Variants in DDX6 observed in about 807,000 individuals in gnomAD.
The protein encoded by DDX6 is probable ATP-dependent RNA helicase DDX6.
A neutral mutation model predicts 60.6 loss-of-function variants in DDX6; 7 were observed. That is an observed-to-expected ratio of 0.12 (90% CI 0.07 to 0.22). The LOEUF (loss-of-function observed/expected upper bound fraction) is 0.22, where lower values mean the gene tolerates loss of function less well. Among genes scored for constraint, DDX6 ranks in the 10% least tolerant of loss-of-function variants. The pLI, the probability that DDX6 is intolerant of heterozygous loss-of-function variation, is 1.00. For synonymous variants in DDX6, 207 were observed against 201.0 expected (o/e 1.03, Z -0.25); for missense variants, 270 against 589.9 (o/e 0.46, Z 5.62).
intron 6 of DDX6, among the ~76,000 whole-genome samples, chr11:118,764,789 G>A (rs1555160963): frequency 1.5e-5 from 2 of 136,236 alleles, no homozygotes; most frequent in African/African-American, 5.5e-5. Flanking sequence ...GGGCAACAGA[G>A]CAAGACTCCA....
intron 4 of DDX6, among the ~76,000 whole-genome samples, chr11:118,773,726 C>G (rs1555163052): frequency 1.3e-5 from 2 of 151,702 alleles, no homozygotes; most frequent in African/African-American, 4.8e-5. Context: ...TGGTGGCTCA[C>G]ACCTGTAATC....
intron 13 of DDX6, among the ~76,000 whole-genome samples, chr11:118,754,212 TGGAGTTCA>T (rs1432503787): frequency 2.0e-5 from 3 of 152,236 alleles, no homozygotes; most frequent in African/African-American, 7.2e-5. Flanking sequence ...GGAGGACTGC[TGGAGTTCA>T]GGAGTTCTGG....
Position 118,755,517 on chromosome 11 carries a change from A to T in DDX6, c.1175-14T>A. 2 of 1,414,774 alleles carry T rather than the reference A, an allele frequency of 1.4e-6. No homozygotes were observed. The highest frequency in any genetic ancestry group is 1.4e-5 in the African/African-American group (1 of 70,726). The allele number at this position is 1,414,774 out of a possible 1,614,324, so 87.6% of individuals were successfully genotyped here. ...GGGTAAACAGATCTTAAAAAAAAAA[A>T]GATAATTTTCATTTTTTCAATTTAG... is the stretch of plus-strand genomic sequence containing the variant. On this transcript the variant is annotated splice_polypyrimidine_tract_variant and intron_variant, in intron 11 of 13. Transcript: ENST00000534980.
At chr11:118,780,996 T>C in intron 3 of DDX6, 125 bp downstream of exon 3, 3 of 617,602 alleles carry the variant, frequency 4.9e-6, no homozygotes, top group Non-Finnish European at 8.9e-6. Flanking sequence ...TCTTACTGGG[T>C]TGGAGGAGGA....
chr11:118,758,187 A>C (rs1861042838), intron 9 of DDX6, among the ~76,000 whole-genome samples: 1 of 152,168 alleles, frequency 6.6e-6, no homozygotes, highest in Non-Finnish European at 1.5e-5. Flanking sequence ...GTTACAAATA[A>C]ATTCTAGTGA....
intron 3 of DDX6, among the ~76,000 whole-genome samples, 171 bp downstream of exon 3, chr11:118,780,950 C>T (rs1210486876): frequency 6.6e-6 from 1 of 152,202 alleles, no homozygotes; most frequent in Non-Finnish European, 1.5e-5. Context: ...TTTGTTTTCT[C>T]ATCCACAAAA....
rs2137422853 is a variant in DDX6, at chr11:118,756,903, T to C, written c.1110+268A>G. Among the ~76,000 whole-genome samples, 3 of 152,324 alleles carry C rather than the reference T, an allele frequency of 2.0e-5. No individual in the cohort carries two copies. In the South Asian group the frequency reaches 6.2e-4, roughly 32 times the overall value. ...CATGGAAAGGAAGGGAAGAATAAAATTTTACATTTGTATCATGCCTGACAG... is the reference window on the plus strand; with the variant it reads ...CATGGAAAGGAAGGGAAGAATAAAACTTTACATTTGTATCATGCCTGACAG... On this transcript the variant is annotated intron_variant, in intron 10 of 13. Coordinates refer to ENST00000534980, the MANE Select transcript of DDX6 (RefSeq NM_004397.6).
chr11:118,777,588 A>G (rs117422168), intron 4 of DDX6, among the ~76,000 whole-genome samples: 4,462 of 152,176 alleles, frequency 0.029, 82 homozygotes, highest in Non-Finnish European at 0.043. Context: ...GCATCATGAT[A>G]TGTCAAAAAG....
At chr11:118,768,897 A>C (rs1555161816) in intron 4 of DDX6, among the ~76,000 whole-genome samples, 1 of 144,612 alleles carries the variant, frequency 6.9e-6, no homozygotes, top group African/African-American at 2.5e-5. Context: ...GGTGTCCATA[A>C]ACCTTGAGAG....
At chr11:118,765,400 G>A (rs911029404) in intron 5 of DDX6, 45 bp from the exon 6 acceptor site, 9 of 1,592,368 alleles carry the variant, frequency 5.7e-6, no homozygotes, top group Non-Finnish European at 7.8e-6. Flanking sequence ...GGGGTGAGGT[G>A]GGAGAACATG....
chr11:118,754,969 C>T (rs1860915391), intron 12 of DDX6, 82 bp from the exon 13 acceptor site: 6 of 1,200,388 alleles, frequency 5.0e-6, no homozygotes, highest in Non-Finnish European at 6.9e-6. Flanking sequence ...GTGGCAAAAC[C>T]ACACAGGATT....
At chr11:118,789,055 G>A (rs1158325888) in intron 1 of DDX6, 1 of 146,522 alleles carries the variant, frequency 6.8e-6, no homozygotes, top group Non-Finnish European at 1.5e-5. Flanking sequence ...GTTGGCTTTT[G>A]ATTTAACCCC....
At chr11:118,762,673 T>C (rs1861215489) in intron 7 of DDX6, among the ~76,000 whole-genome samples, 1 of 152,190 alleles carries the variant, frequency 6.6e-6, no homozygotes. Context: ...GTACAGTTTC[T>C]AATGAAAGCT....
At chr11:118,762,974 A>C (rs1484728943) in intron 7 of DDX6, among the ~76,000 whole-genome samples, 2 of 152,240 alleles carry the variant, frequency 1.3e-5, no homozygotes, top group Non-Finnish European at 2.9e-5. Flanking sequence ...TCTACTAAAA[A>C]ATTAAAACCT....
intron 13 of DDX6, among the ~76,000 whole-genome samples, chr11:118,752,790 CACCAAA>C (rs1860821854): frequency 6.6e-6 from 1 of 152,020 alleles, no homozygotes; most frequent in Non-Finnish European, 1.5e-5. Context: ...GCCCAATAGT[CACCAAA>C]AGATGATAGA....
chr11:118,766,305 G>T (rs1179021542), intron 5 of DDX6, among the ~76,000 whole-genome samples: 1 of 150,884 alleles, frequency 6.6e-6, no homozygotes, highest in Admixed American at 6.6e-5. Flanking sequence ...ATGGTGGCAT[G>T]TGCCTATAGT....
chr11:118,754,662 C>T, intron 13 of DDX6, 43 bp downstream of exon 13: 9 of 1,509,256 alleles, frequency 6.0e-6, no homozygotes, highest in South Asian at 3.9e-5. Flanking sequence ...TTTTGATTTC[C>T]CTCATTTAAA....
chr11:118,782,886 TC>T (rs1555164935), intron 2 of DDX6, among the ~76,000 whole-genome samples: 1 of 152,164 alleles, frequency 6.6e-6, no homozygotes, highest in East Asian at 1.9e-4. Context: ...TGCCTTGGCC[TC>T]CCAAAGTGCT....
At position 118,748,897 on chromosome 11, in the gene DDX6, T is replaced by G. The variant is rs533765928; in HGVS notation, c.*3208A>C. ...ACGTGGCAAAGGAAAGATGCTCCCA[T>G]CTCATTCTGAAAACAAATACTGATA... On this transcript the variant is annotated 3_prime_UTR_variant, in exon 14 of 14. Coordinates refer to ENST00000534980, the MANE Select transcript of DDX6 (RefSeq NM_004397.6). The G allele has an allele frequency of 5.3e-5, 8 of 152,216 alleles. No individual in the cohort carries two copies. The highest frequency in any genetic ancestry group is 8.8e-5 in the Non-Finnish European group (6 of 68,044). 9.4% of individuals were successfully genotyped at this position (152,216 alleles called of 1,614,324 possible).
Sources: gnomAD v4.1 joint callset for allele counts (sites outside exome capture counted in the v4.1 genomes callset) on GRCh38, gnomAD v4.1.1 for gene constraint, MANE v1.5 for transcripts, NCBI Gene and HGNC (gene_info 2026-07-23, HGNC 2026-07-21) for gene names.